The following CAVIN2 variants were observed in gnomAD, a reference collection of about 807,000 sequenced individuals.
The protein encoded by CAVIN2 is caveolae-associated protein 2.
CAVIN2 carries 13 observed loss-of-function variants against 11.7 expected under a neutral mutation model. That is an observed-to-expected ratio of 1.11 (90% CI 0.72 to 1.77). CAVIN2 has a LOEUF of 1.77. Ranked by LOEUF, CAVIN2 falls within the 40% of genes most tolerant of loss-of-function variation. The pLI is 0.00. For synonymous variants in CAVIN2, 237 were observed against 223.2 expected, an observed-to-expected ratio of 1.06 and a Z score of -0.55; for missense variants, 549 against 542.9, an observed-to-expected ratio of 1.01 and a Z score of -0.11.
Position 191,834,659 on chromosome 2 carries a change from A to G in CAVIN2, c.*1264T>C, listed in dbSNP as rs1437338667. On this transcript the variant is annotated 3_prime_UTR_variant, in exon 2 of 2. Coordinates refer to ENST00000304141, the MANE Select transcript of CAVIN2 (RefSeq NM_004657.6). ...ACAATGTTAGGCAGCAGATAAAATTACCCTGTCTGAATATATGTGTACATA... is the reference window on the plus strand; with the variant it reads ...ACAATGTTAGGCAGCAGATAAAATTGCCCTGTCTGAATATATGTGTACATA... 2.6e-5 allele frequency: 4 copies of G among 152,310 alleles called. No homozygotes were observed. Among genetic ancestry groups the G allele is most frequent in the Admixed American group, 2.0e-4 (3 of 15,310 alleles). 9.4% of individuals were successfully genotyped at this position (152,310 alleles called of 1,614,324 possible).
chr2:191,835,124 A>G lies in CAVIN2; in HGVS notation c.*799T>C, dbSNP rs1005477862. On this transcript the variant is annotated 3_prime_UTR_variant, in exon 2 of 2. Coordinates refer to ENST00000304141, the MANE Select transcript of CAVIN2 (RefSeq NM_004657.6). Reference sequence around the variant, plus strand: ...TATTTTGAAGATGACATGTTATTCCAGGATATACGAACTTCTTTAGTATTT... The same window carrying G: ...TATTTTGAAGATGACATGTTATTCCGGGATATACGAACTTCTTTAGTATTT... 1 of 152,124 alleles carries G rather than the reference A, an allele frequency of 6.6e-6. No individual in the cohort carries two copies. The highest frequency in any genetic ancestry group is 2.4e-5 in the African/African-American group (1 of 41,468). The allele number at this position is 152,124 out of a possible 1,614,324, so 9.4% of individuals were successfully genotyped here. A position where few individuals can be genotyped will look rare whatever the true frequency, so the allele number is the denominator to read the frequency against.
rs1190168851 is a variant in CAVIN2, at chr2:191,836,716, T to C, written c.485A>G (p.Glu162Gly). 16 of 1,610,632 alleles carry C rather than the reference T, an allele frequency of 9.9e-6. No individual in the cohort carries two copies. In the East Asian group the frequency reaches 1.1e-4, roughly 11 times the overall value. Residue 162 changes from glutamate (E) to glycine (G), a missense_variant and splice_region_variant, in exon 2 of 2, where the codon GAG becomes GGG. Physicochemically the swap from Glu to Gly is moderately conservative, Grantham distance 98. Transcript: ENST00000304141. ...CACGCTGGCAGGGATCTCATTTTCC[T>C]CCTGAAAAGACGGACAATGTAGGTT... ...RNHFKVLIFQ[E>G]ENEIPASVFV...
rs1312332963 is a variant in CAVIN2, at chr2:191,836,459, G to C, written c.742C>G (p.Arg248Gly). The C allele has an allele frequency of 1.2e-5, 19 of 1,613,950 alleles. No homozygotes were observed. The highest frequency in any genetic ancestry group is 1.6e-5 in the Non-Finnish European group (19 of 1,180,032). The change falls in exon 2 of 2, where the codon CGC (arginine) becomes GGC (glycine). Residue 248 changes from arginine to glycine, a missense_variant. By Grantham distance (125) the Arg-to-Gly change is moderately radical. Coordinates refer to ENST00000304141, the MANE Select transcript of CAVIN2 (RefSeq NM_004657.6). ...KVDSLKKAFS[R>G]QNIEKKMNKL... ...TTCATCTTTTTCTCGATGTTCTGGC[G>C]AGAAAATGCTTTCTTGAGGCTATCC...
chr2:191,845,189 A>G (rs1559031008), intron 1 of CAVIN2, among the ~76,000 whole-genome samples: 1 of 152,260 alleles, frequency 6.6e-6, no homozygotes, highest in South Asian at 2.1e-4. Context: ...CCTGCAAGGT[A>G]GAGGAGGACA....
At position 191,835,941 on chromosome 2, in the gene CAVIN2, C is replaced by CTGGA. The variant is rs776966504; in HGVS notation, c.1256_1259dup (p.Gln420HisfsTer50). On this transcript the variant is annotated frameshift_variant, in exon 2 of 2. Coordinates refer to ENST00000304141, the MANE Select transcript of CAVIN2 (RefSeq NM_004657.6). LOFTEE classifies it high-confidence loss of function. Reference sequence around the variant, plus strand: ...TCTAAGCTCAGGAGGTCTGGTGCACCTGGAGCACGGCGGGCTGCACGGGGT... The same window carrying CTGGA: ...TCTAAGCTCAGGAGGTCTGGTGCACCTGGATGGAGCACGGCGGGCTGCACGGGGT... The CTGGA allele has an allele frequency of 6.2e-7, 1 of 1,612,550 alleles. No homozygotes were observed. The highest frequency in any genetic ancestry group is 1.3e-5 in the African/African-American group (1 of 74,946).
intron 1 of CAVIN2, among the ~76,000 whole-genome samples, chr2:191,842,119 G>A (rs1690102826): frequency 6.6e-6 from 1 of 152,192 alleles, no homozygotes; most frequent in African/African-American, 2.4e-5. Flanking sequence ...AAAATGGTCT[G>A]AAGATGTTAC....
chr2:191,846,429 T>C lies in CAVIN2; in HGVS notation c.483+14A>G, dbSNP rs369666159. 40 of 1,603,248 alleles carry C rather than the reference T, an allele frequency of 2.5e-5. No individual in the cohort carries two copies. The Admixed American group carries it at 3.9e-4, about 16-fold the overall frequency. On this transcript the variant is annotated intron_variant, in intron 1 of 1. Transcript: ENST00000304141. Reference sequence around the variant, plus strand: ...GTTCCAGCCCGCCTGTAAGGAGGCATAGGGGGAACTGACCTGGAAGATGAG... The same window carrying C: ...GTTCCAGCCCGCCTGTAAGGAGGCACAGGGGGAACTGACCTGGAAGATGAG...
At chr2:191,842,436 T>C (rs1003701270) in intron 1 of CAVIN2, among the ~76,000 whole-genome samples, 3 of 152,240 alleles carry the variant, frequency 2.0e-5, no homozygotes, top group Admixed American at 6.5e-5. Context: ...TTCTAGTCTC[T>C]TAAATCAAAA....
chr2:191,840,132 C>T (rs1690073517), intron 1 of CAVIN2, among the ~76,000 whole-genome samples: 1 of 152,236 alleles, frequency 6.6e-6, no homozygotes, highest in African/African-American at 2.4e-5. Flanking sequence ...TGCCTATAAG[C>T]AAGGTGACAC....
At position 191,836,569 on chromosome 2, in the gene CAVIN2, T is replaced by C. The variant is rs1381798953; in HGVS notation, c.632A>G (p.Asp211Gly). 4 of 1,614,134 alleles carry C rather than the reference T, an allele frequency of 2.5e-6. No homozygotes were observed. The highest frequency in any genetic ancestry group is 2.2e-5 in the East Asian group (1 of 44,882). ...GGCACTGTCTTCCAGGGCCTCCTCA[T>C]CGTGGGGCAAATCATCATCTGAGGA... ...DLSSDDDLPH[D>G]EEALEDSAEE... The change falls in exon 2 of 2, where the codon GAT (aspartate) becomes GGT (glycine). Residue 211 changes from aspartate (D) to glycine (G), a missense_variant. Coordinates refer to ENST00000304141, the MANE Select transcript of CAVIN2 (RefSeq NM_004657.6).
In CAVIN2 at chr2:191,836,000, G is replaced by T. The variant is rs1178888234; in HGVS notation, c.1201C>A (p.Leu401Ile). 6.2e-7 allele frequency: 1 copy of T among 1,614,070 alleles called. No individual in the cohort carries two copies. The highest frequency in any genetic ancestry group is 8.5e-7 in the Non-Finnish European group (1 of 1,180,040). The stretch of plus-strand genomic sequence containing the variant: ...GAGCGCTCCGCCTCCTCGGATGTTA[G>T]CGCGTAGCTACCCTCATAGCGTACC... ...QKVRYEGSYA[L>I]TSEEAERSDG... Residue 401 changes from leucine to isoleucine, a missense_variant, in exon 2 of 2, where the codon CTA becomes ATA. Leu to Ile is a conservative substitution (Grantham distance 5). Coordinates refer to ENST00000304141, the MANE Select transcript of CAVIN2 (RefSeq NM_004657.6).
Position 191,836,071 on chromosome 2 carries a change from A to G in CAVIN2, c.1130T>C (p.Val377Ala). 1 of 1,614,116 alleles carries G rather than the reference A, an allele frequency of 6.2e-7. No homozygotes were observed. Among genetic ancestry groups the G allele is most frequent in the Middle Eastern group, 1.6e-4 (1 of 6,062 alleles). ...CACTGACTCCTCCTCTTCATCTTCC[A>G]CAATAGTCAAGTCGATGTTGCTGTC... ...GMDSNIDLTIVEDEEEESVAL... is the reference protein window; with the variant it reads ...GMDSNIDLTIAEDEEEESVAL... Residue 377 changes from valine (V) to alanine (A), a missense_variant, in exon 2 of 2, where the codon GTG (valine) becomes GCG (alanine). By Grantham distance (64) the Val-to-Ala change is moderately conservative (BLOSUM62 0). Transcript: ENST00000304141.
At position 191,835,065 on chromosome 2, in the gene CAVIN2, A is replaced by T. The variant is rs1200163909; in HGVS notation, c.*858T>A. On this transcript the variant is annotated 3_prime_UTR_variant, in exon 2 of 2. Transcript: ENST00000304141. Reference sequence around the variant, plus strand: ...GAAAAATACAGCTTTAACACTATAAAATGTTTATTATTAAAAATATTAGAA... The same window carrying T: ...GAAAAATACAGCTTTAACACTATAATATGTTTATTATTAAAAATATTAGAA... The T allele has an allele frequency of 1.3e-5, 2 of 152,072 alleles. No individual in the cohort carries two copies. Among genetic ancestry groups the T allele is most frequent in the Admixed American group, 6.5e-5 (1 of 15,278 alleles). 9.4% of individuals were successfully genotyped at this position (152,072 alleles called of 1,614,324 possible).
Position 191,835,547 on chromosome 2 carries a change from C to T in CAVIN2, c.*376G>A, listed in dbSNP as rs1422721874. ...GTACGGTGGAAATACAATATATTAC[C>T]GGTACACTATTCAGCAAGCTTATGG... is the stretch of plus-strand genomic sequence containing the variant. On this transcript the variant is annotated 3_prime_UTR_variant, in exon 2 of 2. Transcript: ENST00000304141. 1.5e-5 allele frequency: 3 copies of T among 203,140 alleles called. No homozygotes were observed. The highest frequency in any genetic ancestry group is 1.2e-4 in the South Asian group (1 of 8,310). 12.6% of individuals were successfully genotyped at this position (203,140 alleles called of 1,614,324 possible).
In CAVIN2 at chr2:191,836,121, G is replaced by C; in HGVS notation, c.1080C>G (p.Thr360=). The C allele has an allele frequency of 1.2e-6, 2 of 1,614,208 alleles. No individual in the cohort carries two copies. The highest frequency in any genetic ancestry group is 1.7e-6 in the Non-Finnish European group (2 of 1,180,040). Residue 360 remains threonine (T), a synonymous_variant, in exon 2 of 2, where the codon ACC becomes ACG. Coordinates refer to ENST00000304141, the MANE Select transcript of CAVIN2 (RefSeq NM_004657.6). ...CCATCCCCGAGTTACTCCCCCTGGA[G>C]GTCGCCTTCTCAGCAGCCTCCTCTG... ...EIAEEAAEKA[T]SRGSNSGMDS... is the part of the protein sequence containing the mutation.
rs192618776 is a variant in CAVIN2 at position 191,836,867 on chromosome 2, A to G, written c.484-150T>C. On this transcript the variant is annotated intron_variant, in intron 1 of 1. Coordinates refer to ENST00000304141, the MANE Select transcript of CAVIN2 (RefSeq NM_004657.6). ...GAGTTTTCTAGAATAGGAAGAGTTA[A>G]TTCTAAACTCGTCAAGTCATTCTAT... The G allele has an allele frequency of 8.7e-4, 681 of 781,422 alleles. 2 individuals are homozygous for G. The African/African-American group carries it at 9.8e-3, about 11-fold the overall frequency. The allele number at this position is 781,422 out of a possible 1,614,324, so 48.4% of individuals were successfully genotyped here. A position where few individuals can be genotyped will look rare whatever the true frequency, so the allele number is the denominator to read the frequency against.
intron 1 of CAVIN2, among the ~76,000 whole-genome samples, chr2:191,837,202 A>G (rs1690036277): frequency 6.6e-6 from 1 of 152,186 alleles, no homozygotes; most frequent in South Asian, 2.1e-4. Context: ...ACACACACAC[A>G]TAAAGCCTTG....
At chr2:191,837,952 TG>T (rs899103395) in intron 1 of CAVIN2, among the ~76,000 whole-genome samples, 7 of 152,208 alleles carry the variant, frequency 4.6e-5, no homozygotes, top group African/African-American at 1.7e-4. Flanking sequence ...ACAAGAGATT[TG>T]ACCTAGATTA....
chr2:191,835,710 G>T lies in CAVIN2; in HGVS notation c.*213C>A. 1 of 534,644 alleles carries T rather than the reference G, an allele frequency of 1.9e-6. No homozygotes were observed. The allele number at this position is 534,644 out of a possible 1,614,324, so 33.1% of individuals were successfully genotyped here. On this transcript the variant is annotated 3_prime_UTR_variant, in exon 2 of 2. Coordinates refer to ENST00000304141, the MANE Select transcript of CAVIN2 (RefSeq NM_004657.6). ...ATCTTGGAGACATTCTACAGAGATA[G>T]AACCTAAGAGCAAATTAAAAGTGGA...
Sources: gnomAD v4.1 joint callset for allele counts (sites outside exome capture counted in the v4.1 genomes callset) on GRCh38, gnomAD v4.1.1 for gene constraint, MANE v1.5 for transcripts, NCBI Gene and HGNC (gene_info 2026-07-23, HGNC 2026-07-21) for gene names.